Variants in NCALD observed in about 807,000 individuals in gnomAD.
NCALD encodes neurocalcin-delta.
In NCALD, 10 loss-of-function variants were observed where a neutral mutation model predicts 18.6. That is an observed-to-expected ratio of 0.54 (90% confidence interval 0.33 to 0.91). NCALD has a LOEUF of 0.91. Among genes scored for constraint, NCALD ranks in the 40% least tolerant of loss-of-function variants. NCALD has a pLI of 0.03. For synonymous variants in NCALD, 88 were observed against 87.4 expected (o/e 1.01, Z -0.04); for missense variants, 184 against 247.6 (o/e 0.74, Z 1.72).
At chr8:101,755,013 T>C (rs1428541619) in intron 1 of NCALD, among the ~76,000 whole-genome samples, 1 of 152,184 alleles carries the variant, frequency 6.6e-6, no homozygotes, top group African/African-American at 2.4e-5. Context: ...TCCTAGCACA[T>C]CCTATGACTA....
chr8:101,943,329 A>C (rs763595641), intron 2 of NCALD, among the ~76,000 whole-genome samples: 4 of 152,188 alleles, frequency 2.6e-5, no homozygotes, highest in Non-Finnish European at 5.9e-5. Flanking sequence ...CTTTTAGCAT[A>C]ATCTAAAATG....
intron 2 of NCALD, among the ~76,000 whole-genome samples, chr8:102,006,157 C>T (rs1053933062): frequency 2.0e-5 from 3 of 152,038 alleles, no homozygotes; most frequent in African/African-American, 7.2e-5. Context: ...TCAGATGGCA[C>T]TTCTTTTCTT....
At chr8:101,757,031 A>G (rs1282482365) in intron 1 of NCALD, among the ~76,000 whole-genome samples, 1 of 152,184 alleles carries the variant, frequency 6.6e-6, no homozygotes, top group South Asian at 2.1e-4. Context: ...ATTATTCTTT[A>G]GGAACAACAT....
At chr8:101,930,947 C>T (rs1012769660) in intron 2 of NCALD, among the ~76,000 whole-genome samples, 1 of 152,110 alleles carries the variant, frequency 6.6e-6, no homozygotes, top group Admixed American at 6.6e-5. Context: ...TATGGCAAGG[C>T]TTATACAATT....
At chr8:101,828,670 T>G (rs992622903) in intron 4 of NCALD, among the ~76,000 whole-genome samples, 1 of 151,896 alleles carries the variant, frequency 6.6e-6, no homozygotes, top group Non-Finnish European at 1.5e-5. Flanking sequence ...GGCACAATCA[T>G]AGCTCACTGC....
chr8:101,789,857 T>C (rs1261264204), intron 1 of NCALD, among the ~76,000 whole-genome samples: 2 of 151,994 alleles, frequency 1.3e-5, no homozygotes, highest in Non-Finnish European at 2.9e-5. Context: ...AAATCTGAAA[T>C]TACTAAACTT....
chr8:101,855,015 G>A (rs911310314), intron 4 of NCALD, among the ~76,000 whole-genome samples: 2 of 152,132 alleles, frequency 1.3e-5, no homozygotes, highest in African/African-American at 4.8e-5. Context: ...ACAGTGCTTG[G>A]ACACATGGGT....
At chr8:101,828,763 G>C (rs1342417142) in intron 4 of NCALD, among the ~76,000 whole-genome samples, 1 of 151,974 alleles carries the variant, frequency 6.6e-6, no homozygotes, top group South Asian at 2.1e-4. Context: ...ACCATGACCA[G>C]CTTCTTATTC....
chr8:101,730,566 T>A (rs893848424), intron 1 of NCALD, among the ~76,000 whole-genome samples: 3 of 151,350 alleles, frequency 2.0e-5, no homozygotes, highest in Non-Finnish European at 4.4e-5. Context: ...CCTTTCAAAT[T>A]GCTAAATTTT....
intron 1 of NCALD, among the ~76,000 whole-genome samples, chr8:101,779,443 T>A (rs1265485200): frequency 6.6e-6 from 1 of 152,072 alleles, no homozygotes; most frequent in African/African-American, 2.4e-5. Flanking sequence ...ACAAAGATAA[T>A]TAGAAACTTT....
chr8:101,775,448 T>C (rs1811753993), intron 1 of NCALD, among the ~76,000 whole-genome samples: 1 of 152,186 alleles, frequency 6.6e-6, no homozygotes, highest in Non-Finnish European at 1.5e-5. Flanking sequence ...ACAGGTTTTA[T>C]AGAGGCAGAT....
intron 1 of NCALD, among the ~76,000 whole-genome samples, chr8:102,033,569 G>A (rs1308906309): frequency 6.6e-6 from 1 of 152,104 alleles, no homozygotes; most frequent in Non-Finnish European, 1.5e-5. Flanking sequence ...AAACAAGAAT[G>A]GTTCCACTGA....
chr8:101,874,975 T>C (rs1816170354), intron 4 of NCALD, among the ~76,000 whole-genome samples: 1 of 152,214 alleles, frequency 6.6e-6, no homozygotes, highest in Non-Finnish European at 1.5e-5. Context: ...TCCTGAGCTA[T>C]GCAAGACTAA....
At chr8:102,114,700 C>T (rs1313551099) in intron 1 of NCALD, among the ~76,000 whole-genome samples, 1 of 152,196 alleles carries the variant, frequency 6.6e-6, no homozygotes, top group South Asian at 2.1e-4. Flanking sequence ...CCCACCCTCC[C>T]GTCTCCTGCT....
At chr8:101,849,819 G>C (rs1357862055) in intron 4 of NCALD, among the ~76,000 whole-genome samples, 6 of 152,170 alleles carry the variant, frequency 3.9e-5, no homozygotes, top group Non-Finnish European at 7.3e-5. Flanking sequence ...AATTTGAAAG[G>C]AAGAGCTACA....
chr8:101,985,671 T>G (rs1586872415), intron 2 of NCALD, among the ~76,000 whole-genome samples: 1 of 152,218 alleles, frequency 6.6e-6, no homozygotes, highest in Non-Finnish European at 1.5e-5. Flanking sequence ...ACATTAATGT[T>G]GCTGGGACCA....
rs185546016 is a variant in NCALD at position 102,043,563 on chromosome 8, T to A, written c.-209-23274A>T. 3.3e-3 allele frequency among the ~76,000 whole-genome samples: 498 copies of A among 151,140 alleles called. 8 individuals are homozygous for A. The highest frequency in any genetic ancestry group is 0.013 in the South Asian group (60 of 4,776). ...CAAAAGAATTGAGACTATTAAGGAG[T>A]GAACTAGAATGGGACTTGAAGTATA... On this transcript the variant is annotated intron_variant, in intron 1 of 6. Transcript: ENST00000311028.
intron 1 of NCALD, among the ~76,000 whole-genome samples, chr8:102,043,077 T>C (rs1458095798): frequency 6.6e-6 from 1 of 151,896 alleles, no homozygotes; most frequent in East Asian, 1.9e-4. Flanking sequence ...TTCAATCTGC[T>C]CTGTCGATGC....
intron 2 of NCALD, among the ~76,000 whole-genome samples, chr8:101,927,757 G>A (rs1252340816): frequency 6.6e-6 from 1 of 152,128 alleles, no homozygotes; most frequent in Non-Finnish European, 1.5e-5. Flanking sequence ...CCTTGTGGAA[G>A]TGTCCTCCCA....
Sources: gnomAD v4.1 joint callset for allele counts (sites outside exome capture counted in the v4.1 genomes callset) on GRCh38, gnomAD v4.1.1 for gene constraint, MANE v1.5 for transcripts, NCBI Gene and HGNC (gene_info 2026-07-23, HGNC 2026-07-21) for gene names.